Variants in RGS9 observed in about 807,000 individuals in gnomAD.
The protein encoded by RGS9 is regulator of G-protein signalling 9.
RGS9 carries 78 observed loss-of-function variants against 102.0 expected under a neutral mutation model. That is an observed-to-expected ratio of 0.76 (90% CI 0.64 to 0.92). The LOEUF (loss-of-function observed/expected upper bound fraction) is 0.92. RGS9 is among the 40% of genes least tolerant of loss of function. RGS9 has a pLI of 0.00. For synonymous variants in RGS9, 353 were observed against 318.6 expected, an observed-to-expected ratio of 1.11 and a Z score of -1.15; for missense variants, 833 against 866.1, an observed-to-expected ratio of 0.96 and a Z score of 0.48.
chr17:65,150,618 T>A (rs1910541396), intron 1 of RGS9, among the ~76,000 whole-genome samples: 1 of 151,966 alleles, frequency 6.6e-6, no homozygotes, highest in African/African-American at 2.4e-5. Context: ...AGAAACTCAG[T>A]CTAAAAAAAT....
At chr17:65,204,675 G>A (rs1297217703) in intron 15 of RGS9, among the ~76,000 whole-genome samples, 1 of 152,208 alleles carries the variant, frequency 6.6e-6, no homozygotes, top group Admixed American at 6.5e-5. Context: ...TAGAAGCTGT[G>A]TGCATCCTTA....
At chr17:65,191,931 C>G (rs914180915) in intron 11 of RGS9, among the ~76,000 whole-genome samples, 1 of 152,146 alleles carries the variant, frequency 6.6e-6, no homozygotes, top group Non-Finnish European at 1.5e-5. Context: ...GACTTCAGGG[C>G]AGGTGCATTT....
At chr17:65,220,752 C>T (rs1364194013) in intron 17 of RGS9, among the ~76,000 whole-genome samples, 2 of 152,230 alleles carry the variant, frequency 1.3e-5, no homozygotes, top group African/African-American at 4.8e-5. Flanking sequence ...AATTTCATCT[C>T]TATGCACTAC....
At chr17:65,219,412 T>C (rs1913624070) in intron 17 of RGS9, among the ~76,000 whole-genome samples, 2 of 152,334 alleles carry the variant, frequency 1.3e-5, no homozygotes, top group South Asian at 4.1e-4. Context: ...ACAGGGCCCG[T>C]TGAAATCCCA....
At chr17:65,196,237 C>A (rs1912581091) in intron 12 of RGS9, among the ~76,000 whole-genome samples, 1 of 152,190 alleles carries the variant, frequency 6.6e-6, no homozygotes, top group Non-Finnish European at 1.5e-5. Context: ...TTAATGTTAT[C>A]AGTTTTCTTA....
intron 9 of RGS9, among the ~76,000 whole-genome samples, chr17:65,187,989 G>C (rs937209003): frequency 6.6e-6 from 1 of 152,132 alleles, no homozygotes; most frequent in Non-Finnish European, 1.5e-5. Flanking sequence ...GAGAGACTCT[G>C]TCTCAACAAC....
intron 1 of RGS9, among the ~76,000 whole-genome samples, chr17:65,153,089 C>T (rs952902452): frequency 1.3e-5 from 2 of 152,216 alleles, no homozygotes; most frequent in African/African-American, 4.8e-5. Flanking sequence ...GAGCTGTCAT[C>T]CTTCCATGCC....
chr17:65,174,476 T>C (rs1911541358), intron 8 of RGS9, among the ~76,000 whole-genome samples: 1 of 151,916 alleles, frequency 6.6e-6, no homozygotes. Context: ...TGTATGTCAG[T>C]GTGTTGGCGT....
chr17:65,162,484 A>G (rs1202815650), intron 6 of RGS9, among the ~76,000 whole-genome samples: 1 of 152,092 alleles, frequency 6.6e-6, no homozygotes, highest in Non-Finnish European at 1.5e-5. Flanking sequence ...TTTATTTGAG[A>G]GGAAGTCTCA....
At chr17:65,178,685 T>C (rs1386216429) in intron 9 of RGS9, among the ~76,000 whole-genome samples, 1 of 152,126 alleles carries the variant, frequency 6.6e-6, no homozygotes, top group Non-Finnish European at 1.5e-5. Flanking sequence ...TGAAATTATC[T>C]GTAGAGACAG....
At position 65,193,680 on chromosome 17, in the gene RGS9, T is replaced by A. The variant is rs548743393; in HGVS notation, c.860+24T>A. Reference sequence around the variant, plus strand: ...TTGTATGTATTTTATATATTGGTGTTTTTTAAAAAACCGTTTTTGAGTTAC... The same window carrying A: ...TTGTATGTATTTTATATATTGGTGTATTTTAAAAAACCGTTTTTGAGTTAC... On this transcript the variant is annotated intron_variant, in intron 12 of 18. Transcript: ENST00000262406. 6.4e-5 allele frequency: 96 copies of A among 1,505,922 alleles called. 1 individual carries two copies. The South Asian group carries it at 9.3e-4, about 15-fold the overall frequency. 93.3% of individuals were successfully genotyped at this position (1,505,922 alleles called of 1,614,324 possible). A position where few individuals can be genotyped will look rare whatever the true frequency, so the allele number is the denominator to read the frequency against.
chr17:65,199,489 T>TG (rs1491124732), intron 13 of RGS9, among the ~76,000 whole-genome samples: 2 of 62,060 alleles, frequency 3.2e-5, no homozygotes, highest in African/African-American at 5.8e-4. Flanking sequence ...CTTCTGTTCC[T>TG]TTTTTTTTTT....
intron 8 of RGS9, among the ~76,000 whole-genome samples, chr17:65,175,773 C>T (rs1402006578): frequency 6.6e-6 from 1 of 152,122 alleles, no homozygotes. Context: ...ACATATTTGC[C>T]TCCATGGTAG....
At chr17:65,198,609 G>A (rs964261665) in intron 13 of RGS9, among the ~76,000 whole-genome samples, 2 of 152,156 alleles carry the variant, frequency 1.3e-5, no homozygotes, top group Non-Finnish European at 2.9e-5. Context: ...AAAAAAACAC[G>A]AGGCCAGATC....
At chr17:65,192,613 C>CAAA (rs67234329) in intron 11 of RGS9, among the ~76,000 whole-genome samples, 1 of 127,060 alleles carries the variant, frequency 7.9e-6, no homozygotes, top group Non-Finnish European at 1.8e-5. Context: ...GACAATGTCT[C>CAAA]AAAAAAAAAA....
At chr17:65,215,489 G>GTTCTTTCTTTCTCT (rs1453846214) in intron 17 of RGS9, among the ~76,000 whole-genome samples, 1 of 116,130 alleles carries the variant, frequency 8.6e-6, no homozygotes, top group Non-Finnish European at 1.9e-5. Flanking sequence ...TCTTTCTTTC[G>GTTCTTTCTTTCTCT]TTCTTTCGTT....
intron 17 of RGS9, among the ~76,000 whole-genome samples, chr17:65,224,004 G>A (rs1483645090): frequency 2.6e-5 from 4 of 151,770 alleles, no homozygotes; most frequent in East Asian, 3.9e-4. Context: ...TTATCCACCC[G>A]CCTCAGCTTC....
intron 1 of RGS9, among the ~76,000 whole-genome samples, chr17:65,151,369 G>A (rs1325790053): frequency 6.7e-6 from 1 of 150,156 alleles, no homozygotes; most frequent in Non-Finnish European, 1.5e-5. Context: ...GAGTCCTTCA[G>A]CTGATATTAT....
chr17:65,182,217 A>G (rs947113579), intron 9 of RGS9, among the ~76,000 whole-genome samples: 1 of 152,134 alleles, frequency 6.6e-6, no homozygotes, highest in Non-Finnish European at 1.5e-5. Context: ...CTCACACACC[A>G]TATGCTCCCG....
Sources: allele counts gnomAD v4.1 joint callset (sites outside exome capture counted in the v4.1 genomes callset), GRCh38; gene constraint gnomAD v4.1.1; transcripts MANE v1.5; gene names NCBI Gene and HGNC (gene_info 2026-07-23, HGNC 2026-07-21).